DVL1: variants seen among roughly 807,000 people sequenced by gnomAD.
DVL1 encodes dishevelled segment polarity protein 1.
A neutral mutation model predicts 65.0 loss-of-function variants in DVL1; 49 were observed. The observed-to-expected ratio is 0.75, with a 90% confidence interval of 0.60 to 0.96. The LOEUF (loss-of-function observed/expected upper bound fraction) is 0.96. DVL1 is among the 40% of genes least tolerant of loss of function. The pLI is 0.00. For missense variants in DVL1, 1,197 were observed against 1,045.4 expected, an observed-to-expected ratio of 1.15 and a Z score of -2.00; for synonymous variants, 608 against 433.9, an observed-to-expected ratio of 1.40 and a Z score of -4.99.
At chr1:1,348,112 G>A (rs890556480) in intron 1 of DVL1, among the ~76,000 whole-genome samples, 4 of 152,228 alleles carry the variant, frequency 2.6e-5, no homozygotes, top group African/African-American at 9.7e-5. Context: ...TAGGGACTCA[G>A]GTTACTGGTG....
rs750154582 is a variant in DVL1, at chr1:1,340,345, G to C, written c.700-29C>G. The stretch of plus-strand genomic sequence containing the variant: ...TGGAGGAGAGGGGGCGTGTGTAAAA[G>C]GCACGGGGCTGCCCGACACTGACTT... On this transcript the variant is annotated intron_variant, in intron 6 of 14. Transcript: ENST00000378888. 7 of 1,613,650 alleles carry C rather than the reference G, an allele frequency of 4.3e-6. No homozygotes were observed. In the South Asian group the frequency reaches 7.7e-5, roughly 18 times the overall value.
At chr1:1,344,733 T>G (rs984377706) in intron 1 of DVL1, among the ~76,000 whole-genome samples, 1 of 152,104 alleles carries the variant, frequency 6.6e-6, no homozygotes, top group Non-Finnish European at 1.5e-5. Context: ...CTGTCACACC[T>G]GAAAGGCTGG....
chr1:1,345,734 G>A lies in DVL1; in HGVS notation c.171-2976C>T, dbSNP rs550518535. On this transcript the variant is annotated intron_variant, in intron 1 of 14. Transcript: ENST00000378888. ...GAGGCCACAGCCAGCTGCCCTAGAC[G>A]TGGCGTGGTCCCGAATGCACCCCAT... Among the ~76,000 whole-genome samples the A allele has an allele frequency of 2.6e-5, 4 of 152,322 alleles. No homozygotes were observed. In the East Asian group the frequency reaches 7.7e-4, roughly 29 times the overall value.
At position 1,336,433 on chromosome 1, in the gene DVL1, GC is replaced by G; in HGVS notation, c.1796del (p.Gly599AlafsTer75). The G allele has an allele frequency of 1.9e-6, 3 of 1,590,454 alleles. No homozygotes were observed. The highest frequency in any genetic ancestry group is 1.1e-5 in the South Asian group (1 of 90,032). On this transcript the variant is annotated frameshift_variant, in exon 15 of 15. Transcript: ENST00000378888. LOFTEE classifies it low-confidence loss of function (END_TRUNC). ...CCGTGTGATCCGATTCACTGCCACT[GC>G]CCCCAGCTCCCGCCGCCCGACGCTC... ...EKERRAAGAG[G>X]SGSESDHTAP...
intron 14 of DVL1, chr1:1,337,180 G>A (rs555418440): frequency 4.9e-5 from 38 of 772,930 alleles, no homozygotes; most frequent in African/African-American, 4.7e-4. Context: ...GGGCGCAAGC[G>A]CCGGTCGAGG....
rs975932720 is a variant in DVL1 at position 1,340,327 on chromosome 1, G to A, written c.700-11C>T. 11 of 1,613,826 alleles carry A rather than the reference G, an allele frequency of 6.8e-6. No homozygotes were observed. The East Asian group carries it at 1.8e-4, about 26-fold the overall frequency. On this transcript the variant is annotated splice_polypyrimidine_tract_variant and intron_variant, in intron 6 of 14. Coordinates refer to ENST00000378888, the MANE Select transcript of DVL1 (RefSeq NM_001330311.2). ...GCTGAAGGAGGAGGCCTATGGAGGA[G>A]AGGGGGCGTGTGTAAAAGGCACGGG... is the stretch of plus-strand genomic sequence containing the variant.
At chr1:1,337,178 G>A (rs1363351313) in intron 14 of DVL1, 15 of 822,624 alleles carry the variant, frequency 1.8e-5, no homozygotes, top group Non-Finnish European at 2.1e-5. Context: ...GTGGGCGCAA[G>A]CGCCGGTCGA....
chr1:1,343,106 C>T (rs976459720), intron 1 of DVL1, among the ~76,000 whole-genome samples: 1 of 152,308 alleles, frequency 6.6e-6, no homozygotes, highest in Non-Finnish European at 1.5e-5. Context: ...CAGTCCCCTG[C>T]AGCGTTGGTC....
chr1:1,338,229 T>TTGGCCCCCCCCC, intron 13 of DVL1, 40 bp downstream of exon 13: 8 of 1,522,360 alleles, frequency 5.3e-6, no homozygotes, highest in African/African-American at 1.4e-5. Context: ...CCTCCGGCGT[T>TTGGCCCCCCCCC]CCCCTCCCCC....
In DVL1 at chr1:1,336,434, C is replaced by A; in HGVS notation, c.1796G>T (p.Gly599Val). Residue 599 changes from glycine (G) to valine (V), a missense_variant, in exon 15 of 15, where the codon GGC becomes GTC. Coordinates refer to ENST00000378888, the MANE Select transcript of DVL1 (RefSeq NM_001330311.2). ...CGTGTGATCCGATTCACTGCCACTGCCCCCAGCTCCCGCCGCCCGACGCTC... is the reference window on the plus strand; with the variant it reads ...CGTGTGATCCGATTCACTGCCACTGACCCCAGCTCCCGCCGCCCGACGCTC... ...EKERRAAGAG[G>V]SGSESDHTAP... The A allele has an allele frequency of 6.3e-7, 1 of 1,585,552 alleles. No individual in the cohort carries two copies. Among genetic ancestry groups the A allele is most frequent in the Non-Finnish European group, 8.5e-7 (1 of 1,172,588 alleles).
At chr1:1,341,191 G>C (rs528505733) in intron 5 of DVL1, among the ~76,000 whole-genome samples, 1 of 136,494 alleles carries the variant, frequency 7.3e-6, no homozygotes, top group South Asian at 2.4e-4. Context: ...ACGCACATCT[G>C]CACACGCACA....
At chr1:1,341,444 G>GCA (rs377291181) in intron 5 of DVL1, among the ~76,000 whole-genome samples, 19 of 151,826 alleles carry the variant, frequency 1.3e-4, no homozygotes, top group African/African-American at 4.1e-4. Flanking sequence ...TTGCACGCGG[G>GCA]CACACACACA....
chr1:1,345,067 T>C (rs940104749), intron 1 of DVL1, among the ~76,000 whole-genome samples: 1 of 151,890 alleles, frequency 6.6e-6, no homozygotes, highest in Non-Finnish European at 1.5e-5. Context: ...AGCACCCCAG[T>C]ACAGCACCCG....
chr1:1,348,038 G>GC (rs1643945547), intron 1 of DVL1, among the ~76,000 whole-genome samples: 1 of 152,338 alleles, frequency 6.6e-6, no homozygotes, highest in East Asian at 1.9e-4. Flanking sequence ...GACACCGCTT[G>GC]CCGGAGGCTC....
At chr1:1,345,931 T>A (rs2100767792) in intron 1 of DVL1, among the ~76,000 whole-genome samples, 1 of 152,258 alleles carries the variant, frequency 6.6e-6, no homozygotes, top group South Asian at 2.1e-4. Flanking sequence ...TCCACCAGCC[T>A]GTCCCCTGGG....
Position 1,348,910 on chromosome 1 carries a change from C to T in DVL1, c.156G>A (p.Met52Ile), listed in dbSNP as rs758140724. 6.4e-7 allele frequency: 1 copy of T among 1,565,890 alleles called. No individual in the cohort carries two copies. Among genetic ancestry groups the T allele is most frequent in the Non-Finnish European group, 8.7e-7 (1 of 1,152,484 alleles). Residue 52 changes from methionine (M) to isoleucine (I), a missense_variant, in exon 1 of 15, where the codon ATG becomes ATA. By Grantham distance (10) the Met-to-Ile change is conservative. Coordinates refer to ENST00000378888, the MANE Select transcript of DVL1 (RefSeq NM_001330311.2). Reference sequence around the variant, plus strand: ...GGCCGACTGACCCGAAGTCCTGGTCCATGGACTTAAAGAAGAATTTGTAGG... The same window carrying T: ...GGCCGACTGACCCGAAGTCCTGGTCTATGGACTTAAAGAAGAATTTGTAGG... ...VHAYKFFFKS[M>I]DQDFGVVKEE...
At position 1,341,804 on chromosome 1, in the gene DVL1, G is replaced by A. The variant is rs201343862; in HGVS notation, c.468C>T (p.Ala156=). Residue 156 remains alanine, a splice_region_variant and synonymous_variant, in exon 5 of 15, where the codon GCC becomes GCT. Coordinates refer to ENST00000378888, the MANE Select transcript of DVL1 (RefSeq NM_001330311.2). ...CCCTTGGGTGCCCATTGGTCCGGGC[G>A]GCTGTGGGGGCAGCAGGTTGGGAAC... is the stretch of plus-strand genomic sequence containing the variant. ...ERARRRNREE[A]ARTNGHPRGD... is the part of the protein sequence containing the mutation. 781 of 1,577,144 alleles carry A rather than the reference G, an allele frequency of 5.0e-4. 7 individuals carry two copies. The East Asian group carries it at 0.011, about 23-fold the overall frequency.
intron 1 of DVL1, among the ~76,000 whole-genome samples, chr1:1,345,136 G>A (rs549842770): frequency 6.6e-6 from 1 of 152,012 alleles, no homozygotes; most frequent in African/African-American, 2.4e-5. Context: ...GCCCAAGCCC[G>A]CATGGCCCAC....
chr1:1,337,493 G>A (rs746723791), intron 14 of DVL1, among the ~76,000 whole-genome samples: 4 of 152,138 alleles, frequency 2.6e-5, no homozygotes, highest in South Asian at 2.1e-4. Context: ...TGTGTCCTGG[G>A]GCCTAGAAAG....
Sources: gnomAD v4.1 joint callset for allele counts (sites outside exome capture counted in the v4.1 genomes callset) on GRCh38, gnomAD v4.1.1 for gene constraint, MANE v1.5 for transcripts, NCBI Gene and HGNC (gene_info 2026-07-23, HGNC 2026-07-21) for gene names.